The following GLMN variants were observed in gnomAD, a reference collection of about 807,000 sequenced individuals.
GLMN encodes glomulin, FKBP associated protein.
GLMN carries 75 observed loss-of-function variants against 87.8 expected under a neutral mutation model. The ratio of observed to expected loss-of-function variants is 0.85; its 90% CI spans 0.71 to 1.04. The LOEUF (loss-of-function observed/expected upper bound fraction) is 1.04, where lower values mean the gene tolerates loss of function less well. GLMN is among the 50% of genes least tolerant of loss of function. The pLI, the probability that GLMN is intolerant of heterozygous loss-of-function variation, is 0.00. For synonymous variants in GLMN, 206 were observed against 221.6 expected, an observed-to-expected ratio of 0.93 and a Z score of 0.63; for missense variants, 588 against 658.8, an observed-to-expected ratio of 0.89 and a Z score of 1.18.
intron 13 of GLMN, 127 bp downstream of exon 13, chr1:92,266,292 T>A: frequency 1.4e-6 from 1 of 703,716 alleles, no homozygotes; most frequent in Non-Finnish European, 2.6e-6. Context: ...ATTTATAATA[T>A]GGGTTCCAAC....
the GLMN span, among the ~76,000 whole-genome samples, chr1:92,354,242 A>T: frequency 6.6e-6 from 1 of 152,236 alleles, no homozygotes; most frequent in Non-Finnish European, 1.5e-5. Flanking sequence ...TAACCTTAGC[A>T]TCGGGGTCTG....
intron 2 of GLMN, 59 bp downstream of exon 2, chr1:92,297,901 AC>A: frequency 1.2e-6 from 1 of 867,284 alleles, no homozygotes; most frequent in South Asian, 1.4e-5. Flanking sequence ...ATAATTAAAA[AC>A]AATCTGTGCC....
chr1:92,253,528 G>C (rs1311108087), intron 16 of GLMN, among the ~76,000 whole-genome samples: 1 of 152,200 alleles, frequency 6.6e-6, no homozygotes, highest in African/African-American at 2.4e-5. Flanking sequence ...GCTCCGGCTG[G>C]CATCTGGCGG....
At chr1:92,344,218 T>C in the GLMN span, among the ~76,000 whole-genome samples, 7 of 152,290 alleles carry the variant, frequency 4.6e-5, no homozygotes, top group African/African-American at 1.4e-4. Context: ...GAGATCAGCC[T>C]GGGCAACATA....
At chr1:92,336,629 A>G in the GLMN span, among the ~76,000 whole-genome samples, 1 of 152,130 alleles carries the variant, frequency 6.6e-6, no homozygotes, top group Non-Finnish European at 1.5e-5. Context: ...GCCATTATAT[A>G]TTTCACTTTG....
At chr1:92,360,984 T>G in the GLMN span, among the ~76,000 whole-genome samples, 37 of 152,008 alleles carry the variant, frequency 2.4e-4, no homozygotes, top group Middle Eastern at 3.4e-3. Flanking sequence ...TTTTCTCATA[T>G]TCATGACTTT....
the GLMN span, among the ~76,000 whole-genome samples, chr1:92,311,813 C>G: frequency 6.6e-6 from 1 of 152,070 alleles, no homozygotes; most frequent in Non-Finnish European, 1.5e-5. Flanking sequence ...TGTGCAGTAG[C>G]GTTATATCTT....
At chr1:92,248,713 T>G (rs1653017140) in intron 16 of GLMN, among the ~76,000 whole-genome samples, 1 of 152,184 alleles carries the variant, frequency 6.6e-6, no homozygotes, top group Non-Finnish European at 1.5e-5. Context: ...CTTGATAACC[T>G]ATTTTGTAAT....
intron 4 of GLMN, 106 bp from the exon 5 acceptor site, chr1:92,290,412 G>A: frequency 2.8e-6 from 2 of 717,124 alleles, no homozygotes; most frequent in Non-Finnish European, 4.9e-6. Context: ...ATACAATTAT[G>A]TTTTTGCTTA....
At chr1:92,341,683 C>T in the GLMN span, among the ~76,000 whole-genome samples, 1 of 152,164 alleles carries the variant, frequency 6.6e-6, no homozygotes, top group Non-Finnish European at 1.5e-5. Flanking sequence ...CTTGCTCTGT[C>T]GTCCAGGCTG....
the GLMN span, among the ~76,000 whole-genome samples, chr1:92,312,831 T>A: frequency 1.3e-4 from 20 of 152,022 alleles, no homozygotes; most frequent in Admixed American, 1.3e-3. Flanking sequence ...TTTCCTTTTT[T>A]CTTTTTTTCA....
the GLMN span, chr1:92,320,674 T>C: frequency 1.3e-6 from 2 of 1,532,698 alleles, no homozygotes; most frequent in South Asian, 1.1e-5. Context: ...TATATATTTA[T>C]GTTAATAGAA....
intron 3 of GLMN, among the ~76,000 whole-genome samples, chr1:92,294,942 G>A (rs904416356): frequency 1.3e-5 from 2 of 152,214 alleles, no homozygotes; most frequent in African/African-American, 4.8e-5. Context: ...GCCTCCCAAA[G>A]TGCTGGGATT....
chr1:92,321,820 A>G, the GLMN span, among the ~76,000 whole-genome samples: 1,442 of 152,054 alleles, frequency 9.5e-3, 10 homozygotes, highest in Non-Finnish European at 0.015. Flanking sequence ...AATTTTCTGT[A>G]CAACAATCAA....
chr1:92,365,974 G>A, the GLMN span, among the ~76,000 whole-genome samples: 1 of 152,038 alleles, frequency 6.6e-6, no homozygotes, highest in African/African-American at 2.4e-5. Flanking sequence ...CAACAAGTCA[G>A]TCTCATAAAA....
intron 16 of GLMN, among the ~76,000 whole-genome samples, chr1:92,258,200 G>A (rs1266572352): frequency 9.2e-5 from 14 of 152,336 alleles, no homozygotes; most frequent in South Asian, 2.1e-4. Context: ...AAACCACAAT[G>A]AGATACCATC....
At chr1:92,314,290 A>C in the GLMN span, among the ~76,000 whole-genome samples, 1 of 150,850 alleles carries the variant, frequency 6.6e-6, no homozygotes, top group East Asian at 1.9e-4. Context: ...TTGAACACTC[A>C]GAGGCCATTG....
chr1:92,350,360 A>C, the GLMN span, among the ~76,000 whole-genome samples: 1 of 152,168 alleles, frequency 6.6e-6, no homozygotes, highest in Admixed American at 6.5e-5. Flanking sequence ...TAACAGTGAT[A>C]ATTGATTGAC....
chr1:92,321,807 T>C, the GLMN span, among the ~76,000 whole-genome samples: 12 of 152,130 alleles, frequency 7.9e-5, no homozygotes, highest in African/African-American at 2.9e-4. Context: ...TTTCATTCTG[T>C]AGAATTTTCT....
Sources: gnomAD v4.1 joint callset for allele counts (sites outside exome capture counted in the v4.1 genomes callset) on GRCh38, gnomAD v4.1.1 for gene constraint, MANE v1.5 for transcripts, NCBI Gene and HGNC (gene_info 2026-07-23, HGNC 2026-07-21) for gene names.